DAAM2: variants seen among roughly 807,000 people sequenced by gnomAD.
DAAM2 encodes the protein dishevelled associated activator of morphogenesis 2.
In DAAM2, 39 loss-of-function variants were observed where a neutral mutation model predicts 120.7. The ratio of observed to expected loss-of-function variants is 0.32; its 90% CI spans 0.25 to 0.42. The LOEUF (loss-of-function observed/expected upper bound fraction) is 0.42, where lower values mean the gene tolerates loss of function less well. DAAM2 is among the 10% of genes least tolerant of loss of function. The pLI, the probability that DAAM2 is intolerant of heterozygous loss-of-function variation, is 1.00. For missense variants in DAAM2, 1,283 were observed against 1,401.7 expected, an observed-to-expected ratio of 0.92 and a Z score of 1.35; for synonymous variants, 488 against 524.9, an observed-to-expected ratio of 0.93 and a Z score of 0.96.
chr6:39,904,274 AT>A lies in DAAM2; in HGVS notation c.*2238del. ...TCAGCCTTCTCACTCTAAAAGAAAG[AT>A]ATTTTTCTATTTATTTTCTACATCT... On this transcript the variant is annotated 3_prime_UTR_variant, in exon 25 of 25. Transcript: ENST00000274867. The A allele has an allele frequency of 2.2e-6, 1 of 456,744 alleles. No homozygotes were observed. The highest frequency in any genetic ancestry group is 1.5e-5 in the South Asian group (1 of 64,568). 28.3% of individuals were successfully genotyped at this position (456,744 alleles called of 1,614,324 possible). A position where few individuals can be genotyped will look rare whatever the true frequency, so the allele number is the denominator to read the frequency against.
chr6:39,823,916 T>C lies in DAAM2; in HGVS notation c.-57+31451T>C, dbSNP rs139594912. Among the ~76,000 whole-genome samples the C allele has an allele frequency of 6.0e-3, 910 of 152,278 alleles. 10 individuals are homozygous for C. The highest frequency in any genetic ancestry group is 0.037 in the Middle Eastern group (11 of 294). On this transcript the variant is annotated intron_variant, in intron 1 of 24. Transcript: ENST00000274867. ...CCTCCCCCTGCTGGGGTTTTGGGTC[T>C]TGCTGTCATCTCTGCTTTTGAATGA...
In DAAM2 at chr6:39,878,103, A is replaced by G; in HGVS notation, c.1302-100A>G. 2 of 1,279,442 alleles carry G rather than the reference A, an allele frequency of 1.6e-6. No individual in the cohort carries two copies. The allele number at this position is 1,279,442 out of a possible 1,614,324, so 79.3% of individuals were successfully genotyped here. A position where few individuals can be genotyped will look rare whatever the true frequency, so the allele number is the denominator to read the frequency against. Reference sequence around the variant, plus strand: ...CTTGATGTGGCTGGACAGATTGGAGACCAGGGTCCCCACCTGGAGGGTAGA... The same window carrying G: ...CTTGATGTGGCTGGACAGATTGGAGGCCAGGGTCCCCACCTGGAGGGTAGA... On this transcript the variant is annotated intron_variant, in intron 11 of 24. Coordinates refer to ENST00000274867, the MANE Select transcript of DAAM2 (RefSeq NM_001201427.2). This position sits in a 1 kb window ranked among gnomAD's most constrained non-coding sequence, Gnocchi z 5.0.
At chr6:39,836,610 C>T (rs945141557) in intron 1 of DAAM2, among the ~76,000 whole-genome samples, 1 of 152,198 alleles carries the variant, frequency 6.6e-6, no homozygotes, top group Non-Finnish European at 1.5e-5. Context: ...AGCTACAGAG[C>T]CTTCTCTCTA....
intron 2 of DAAM2, among the ~76,000 whole-genome samples, chr6:39,858,309 C>T (rs1021028738): frequency 2.0e-5 from 3 of 152,168 alleles, no homozygotes; most frequent in African/African-American, 7.2e-5. Flanking sequence ...TCTGGGTTGA[C>T]CATTTGGAGG....
chr6:39,830,439 A>G (rs1439575937), intron 1 of DAAM2, among the ~76,000 whole-genome samples: 1 of 152,092 alleles, frequency 6.6e-6, no homozygotes, highest in African/African-American at 2.4e-5. Flanking sequence ...TTCAGGGCTG[A>G]CAGAGTGGGG....
chr6:39,900,498 A>G (rs1352029444), intron 23 of DAAM2, among the ~76,000 whole-genome samples: 1 of 152,192 alleles, frequency 6.6e-6, no homozygotes, highest in Non-Finnish European at 1.5e-5. Flanking sequence ...ATGAACGCTA[A>G]AATCAGAGAT....
chr6:39,863,261 C>T (rs1344269126), intron 3 of DAAM2, among the ~76,000 whole-genome samples: 1 of 152,048 alleles, frequency 6.6e-6, no homozygotes, highest in East Asian at 1.9e-4. Context: ...TTTGCCGACA[C>T]AATTGTTTTT....
rs1471969407 is a variant in DAAM2, at chr6:39,902,906, G to A, written c.*869G>A. Reference sequence around the variant, plus strand: ...CCATGTCCCCATCTCCTGGACACCTGGCCATTGTTGTGAAGCCAGACAGTG... The same window carrying A: ...CCATGTCCCCATCTCCTGGACACCTAGCCATTGTTGTGAAGCCAGACAGTG... On this transcript the variant is annotated 3_prime_UTR_variant, in exon 25 of 25. Transcript: ENST00000274867. 1 of 152,426 alleles carries A rather than the reference G, an allele frequency of 6.6e-6. No homozygotes were observed. Among genetic ancestry groups the A allele is most frequent in the Non-Finnish European group, 1.5e-5 (1 of 68,240 alleles). 9.4% of individuals were successfully genotyped at this position (152,426 alleles called of 1,614,324 possible).
intron 5 of DAAM2, among the ~76,000 whole-genome samples, chr6:39,866,029 A>C (rs1169988061): frequency 6.6e-6 from 1 of 151,970 alleles, no homozygotes; most frequent in Non-Finnish European, 1.5e-5. Context: ...GCCACCCTTC[A>C]CCCTTCCCCT....
chr6:39,879,591 G>C, intron 14 of DAAM2, 114 bp downstream of exon 14: 2 of 1,409,840 alleles, frequency 1.4e-6, no homozygotes, highest in South Asian at 2.3e-5. Context: ...TCTTTGGTGG[G>C]GGGTAAGGGC....
chr6:39,897,935 A>C (rs1290231041), intron 21 of DAAM2, among the ~76,000 whole-genome samples: 1 of 152,140 alleles, frequency 6.6e-6, no homozygotes, highest in Non-Finnish European at 1.5e-5. Context: ...AGAAGTGCTC[A>C]CTTCCTTGAC....
intron 10 of DAAM2, among the ~76,000 whole-genome samples, chr6:39,874,711 A>G (rs891512855): frequency 1.3e-5 from 2 of 152,266 alleles, no homozygotes; most frequent in South Asian, 4.1e-4. Context: ...ATGTCCAGCC[A>G]GATGACTATC....
At chr6:39,809,181 G>A (rs997955412) in intron 1 of DAAM2, among the ~76,000 whole-genome samples, 2 of 152,198 alleles carry the variant, frequency 1.3e-5, no homozygotes, top group African/African-American at 4.8e-5. Context: ...TGCTGGAGCT[G>A]TGCAGGAGGG....
At chr6:39,877,367 A>T (rs1009201840) in intron 11 of DAAM2, among the ~76,000 whole-genome samples, 1 of 152,064 alleles carries the variant, frequency 6.6e-6, no homozygotes, top group African/African-American at 2.4e-5. Flanking sequence ...CCTCCCTCCC[A>T]ACTTCAGGGA....
At chr6:39,840,580 T>C (rs1209395632) in intron 1 of DAAM2, among the ~76,000 whole-genome samples, 2 of 151,814 alleles carry the variant, frequency 1.3e-5, no homozygotes, top group East Asian at 3.9e-4. Context: ...ATGTAGATCG[T>C]TGGAAATATG....
intron 1 of DAAM2, among the ~76,000 whole-genome samples, chr6:39,846,653 C>G (rs140348132): frequency 6.6e-6 from 1 of 151,838 alleles, no homozygotes; most frequent in Admixed American, 6.5e-5. Flanking sequence ...GCAGACATTC[C>G]GCAGATTCAA....
intron 3 of DAAM2, among the ~76,000 whole-genome samples, chr6:39,863,881 C>G (rs569982574): frequency 7.2e-5 from 11 of 152,086 alleles, no homozygotes; most frequent in Non-Finnish European, 1.5e-4. Context: ...TTTCAAAGCC[C>G]AAAGCCTTGG....
chr6:39,856,123 G>A, intron 1 of DAAM2, 124 bp from the exon 2 acceptor site: 1 of 1,225,150 alleles, frequency 8.2e-7, no homozygotes. Context: ...GGTGGGTGGG[G>A]CTTTGCTATT....
At chr6:39,870,274 T>C (rs1373382567) in intron 7 of DAAM2, 66 bp from the exon 8 acceptor site, 2 of 970,792 alleles carry the variant, frequency 2.1e-6, no homozygotes, top group Non-Finnish European at 1.6e-6. Flanking sequence ...TGATGAGGGC[T>C]CCACTGGGGA....
Sources: gnomAD v4.1 joint callset for allele counts (sites outside exome capture counted in the v4.1 genomes callset) on GRCh38, gnomAD v4.1.1 for gene constraint, Gnocchi (gnomAD v3.1) non-coding constraint, MANE v1.5 for transcripts, NCBI Gene and HGNC (gene_info 2026-07-23, HGNC 2026-07-21) for gene names.